The following CEP44 variants were observed in gnomAD, a reference collection of about 807,000 sequenced individuals.
CEP44 encodes centrosomal protein 44, also known as centrosomal protein of 44 kDa.
A neutral mutation model predicts 46.7 loss-of-function variants in CEP44; 45 were observed. That is an observed-to-expected ratio of 0.96 (90% CI 0.76 to 1.24). The LOEUF (loss-of-function observed/expected upper bound fraction) is 1.24, where lower values mean the gene tolerates loss of function less well. Ranked by LOEUF, CEP44 falls within the 50% of genes most tolerant of loss-of-function variation. CEP44 has a pLI of 0.00. For synonymous variants in CEP44, 142 were observed against 146.0 expected (o/e 0.97, Z 0.20); for missense variants, 475 against 459.7 (o/e 1.03, Z -0.30).
In CEP44 at chr4:174,312,407, C is replaced by G. The variant is rs1291549263; in HGVS notation, c.961+1549C>G. On this transcript the variant is annotated intron_variant, in intron 9 of 11. Coordinates refer to ENST00000503780, the MANE Select transcript of CEP44 (RefSeq NM_001040157.3). The surrounding 1 kb of genome is among the most constrained non-coding windows in gnomAD (Gnocchi z 4.5). ...TTGGCTTAAAGTGATCCTCCTTTCT[C>G]AGCCTCCTGAGTAGCTGGGACTACA... Among the ~76,000 whole-genome samples, 1 of 151,994 alleles carries G rather than the reference C, an allele frequency of 6.6e-6. No homozygotes were observed. The highest frequency in any genetic ancestry group is 1.9e-4 in the East Asian group (1 of 5,172).
At chr4:174,305,900 C>T (rs1740339276) in intron 6 of CEP44, among the ~76,000 whole-genome samples, 1 of 152,136 alleles carries the variant, frequency 6.6e-6, no homozygotes, top group African/African-American at 2.4e-5. Context: ...AAAATGTAAA[C>T]TTCAAAACAT....
At chr4:174,300,663 G>A (rs997440586) in intron 3 of CEP44, among the ~76,000 whole-genome samples, 1 of 151,914 alleles carries the variant, frequency 6.6e-6, no homozygotes, top group Non-Finnish European at 1.5e-5. Context: ...TTCTTCCACA[G>A]AGGCACTCAG....
chr4:174,307,567 C>G (rs554893975), intron 6 of CEP44, among the ~76,000 whole-genome samples: 1 of 152,124 alleles, frequency 6.6e-6, no homozygotes, highest in East Asian at 1.9e-4. Flanking sequence ...GATTTCATGA[C>G]GAAGACGCCA....
rs751849303 is a variant in CEP44 at position 174,299,197 on chromosome 4, G to T, written c.76G>T (p.Val26Leu). The T allele has an allele frequency of 1.2e-6, 2 of 1,613,288 alleles. No homozygotes were observed. The highest frequency in any genetic ancestry group is 1.7e-6 in the Non-Finnish European group (2 of 1,179,424). The change falls in exon 3 of 12, where the codon GTG becomes TTG. Residue 26 changes from valine to leucine, a missense_variant. By Grantham distance (32) the Val-to-Leu change is conservative. Transcript: ENST00000503780. The part of the protein sequence containing the change: ...VLRLLNYPEE[V>L]DCVGLIKGDP... ...CCGCTTGCTAAATTATCCTGAAGAG[G>T]TGGACTGTGTAGGGTAAGCTATAAT... is the stretch of plus-strand genomic sequence containing the variant.
chr4:174,295,472 C>T (rs1738877923), intron 1 of CEP44, among the ~76,000 whole-genome samples: 2 of 151,122 alleles, frequency 1.3e-5, no homozygotes, highest in African/African-American at 2.4e-5. Flanking sequence ...GATGGGATGG[C>T]GGCCGGGCAG....
chr4:174,314,975 T>C lies in CEP44; in HGVS notation c.962-1191T>C, dbSNP rs529732292. On this transcript the variant is annotated intron_variant, in intron 9 of 11. Coordinates refer to ENST00000503780, the MANE Select transcript of CEP44 (RefSeq NM_001040157.3). This position sits in a 1 kb window ranked among gnomAD's most constrained non-coding sequence, Gnocchi z 4.1. ...CCACGAGTTAGTTAGTCAAATGATATTGAGCCTGGGCCGGGCTGGCCATGT... is the reference window on the plus strand; with the variant it reads ...CCACGAGTTAGTTAGTCAAATGATACTGAGCCTGGGCCGGGCTGGCCATGT... 9.8e-5 allele frequency among the ~76,000 whole-genome samples: 15 copies of C among 152,350 alleles called. No individual in the cohort carries two copies. The highest frequency in any genetic ancestry group is 3.6e-4 in the African/African-American group (15 of 41,580).
intron 8 of CEP44, among the ~76,000 whole-genome samples, chr4:174,327,240 G>A (rs376489326): frequency 7.9e-4 from 119 of 150,276 alleles, no homozygotes; most frequent in African/African-American, 2.6e-3. Context: ...AAAAACAAAC[G>A]TAATAAAATA....
intron 8 of CEP44, among the ~76,000 whole-genome samples, chr4:174,330,590 AT>A (rs2126708188): frequency 6.6e-6 from 1 of 152,310 alleles, no homozygotes; most frequent in Admixed American, 6.5e-5. Flanking sequence ...AATGCAAAAT[AT>A]GGATTTTAAT....
At chr4:174,333,041 T>G (rs1029085667) in exon 9 of CEP44, 2 of 152,032 alleles carry the variant, frequency 1.3e-5, no homozygotes, top group Non-Finnish European at 2.9e-5. Context: ...ACATTTATAT[T>G]TATAGAAACA....
downstream of CEP44, among the ~76,000 whole-genome samples, chr4:174,320,704 A>ATGTGTGTGTGTGTGTGTGTATGTG (rs796604982): frequency 1.6e-4 from 20 of 125,318 alleles, no homozygotes; most frequent in South Asian, 2.5e-4. Flanking sequence ...GTGTGTGTGT[A>ATGTGTGTGTGTGTGTGTGTATGTG]TGTGTGTGTG....
In CEP44 at chr4:174,328,331, C is replaced by T. The variant is rs1451843483; in HGVS notation, c.1087-3151C>T. On this transcript the variant is annotated intron_variant, in intron 8 of 8. Transcript: ENST00000426172. ...TGCTGTTTTGAGTAGATGATGGTTA[C>T]CTAGAATGTTGGCAGTAGTCCAGAA... is the stretch of plus-strand genomic sequence containing the variant. Among the ~76,000 whole-genome samples the T allele has an allele frequency of 2.6e-5, 4 of 152,092 alleles. No homozygotes were observed. In the East Asian group the frequency reaches 7.7e-4, roughly 29 times the overall value.
intron 6 of CEP44, among the ~76,000 whole-genome samples, chr4:174,306,390 T>G (rs1740405533): frequency 6.6e-6 from 1 of 152,190 alleles, no homozygotes; most frequent in South Asian, 2.1e-4. Context: ...AATAACTTTT[T>G]ATTATGGAAC....
At chr4:174,296,763 A>ATT (rs202212472) in intron 1 of CEP44, among the ~76,000 whole-genome samples, 29,932 of 90,300 alleles carry the variant, frequency 0.33, 6,696 homozygotes, top group Non-Finnish European at 0.44. Context: ...GTCCTTACTG[A>ATT]TTTTTTTTTT....
chr4:174,302,177 T>G lies in CEP44; in HGVS notation c.228T>G (p.Ala76=). Residue 76 remains alanine, a synonymous_variant, in exon 4 of 12, where the codon GCT becomes GCG. Transcript: ENST00000503780. The part of the protein sequence containing the change: ...IAKNDLRFID[A]VYKLLRDQFN... ...AAAATGACTTGCGCTTTATAGATGCTGTCTATAAGGTATTTTGAGTTTATC... is the reference window on the plus strand; with the variant it reads ...AAAATGACTTGCGCTTTATAGATGCGGTCTATAAGGTATTTTGAGTTTATC... 1 of 1,586,658 alleles carries G rather than the reference T, an allele frequency of 6.3e-7. No individual in the cohort carries two copies. The highest frequency in any genetic ancestry group is 8.6e-7 in the Non-Finnish European group (1 of 1,160,958).
At chr4:174,291,991 A>G (rs994260713) in intron 1 of CEP44, among the ~76,000 whole-genome samples, 1 of 150,882 alleles carries the variant, frequency 6.6e-6, no homozygotes, top group African/African-American at 2.4e-5. Flanking sequence ...AGATTTCACC[A>G]TGTTTGCCAG....
downstream of CEP44, among the ~76,000 whole-genome samples, chr4:174,322,088 G>A (rs1165109307): frequency 6.6e-6 from 1 of 151,928 alleles, no homozygotes; most frequent in Non-Finnish European, 1.5e-5. Context: ...CCACAGCTGA[G>A]GACTTTTAAA....
chr4:174,313,531 T>C (rs989882631), intron 9 of CEP44, among the ~76,000 whole-genome samples: 1 of 152,112 alleles, frequency 6.6e-6, no homozygotes, highest in African/African-American at 2.4e-5. Flanking sequence ...GTAGGAAGAT[T>C]TTCAGCAAGG....
intron 1 of CEP44, among the ~76,000 whole-genome samples, chr4:174,291,027 G>T (rs185943272): frequency 6.6e-6 from 1 of 152,076 alleles, no homozygotes; most frequent in East Asian, 1.9e-4. Context: ...TTTAGCCTAC[G>T]TGTGTCCTTA....
chr4:174,319,391 A>C lies in CEP44; in HGVS notation c.*2008A>C, dbSNP rs1038147643. 2.0e-6 allele frequency: 2 copies of C among 985,006 alleles called. No individual in the cohort carries two copies. The highest frequency in any genetic ancestry group is 2.4e-6 in the Non-Finnish European group (2 of 829,640). 61.0% of individuals were successfully genotyped at this position (985,006 alleles called of 1,614,324 possible). On this transcript the variant is annotated 3_prime_UTR_variant, in exon 12 of 12. Transcript: ENST00000503780. ...CTTGTGGTTAACATGCCAGTATTTT[A>C]CCTTTTGTTAAAACAAGTGATTTCC...
Sources: gnomAD v4.1 joint callset for allele counts (sites outside exome capture counted in the v4.1 genomes callset) on GRCh38, gnomAD v4.1.1 for gene constraint, Gnocchi (gnomAD v3.1) non-coding constraint, MANE v1.5 for transcripts, NCBI Gene and HGNC (gene_info 2026-07-23, HGNC 2026-07-21) for gene names.